SCARA3: variants seen among roughly 807,000 people sequenced by gnomAD.
SCARA3 encodes the protein cellular stress response gene protein.
Under a neutral mutation model 47.0 loss-of-function variants are expected in SCARA3, and 39 were observed. That is an observed-to-expected ratio of 0.83 (90% CI 0.64 to 1.08). The LOEUF is 1.08. Among genes scored for constraint, SCARA3 ranks in the 50% least tolerant of loss-of-function variants. SCARA3 has a pLI of 0.00. For synonymous variants in SCARA3, 356 were observed against 334.1 expected, an observed-to-expected ratio of 1.07 and a Z score of -0.71; for missense variants, 724 against 792.3, an observed-to-expected ratio of 0.91 and a Z score of 1.04.
chr8:27,702,861 G>C, the SCARA3 span: 1 of 152,306 alleles, frequency 6.6e-6, no homozygotes, highest in Admixed American at 6.5e-5. Flanking sequence ...TTCTACAGGG[G>C]CACCTTGGCC....
chr8:27,686,266 C>G, the SCARA3 span, among the ~76,000 whole-genome samples: 2 of 151,822 alleles, frequency 1.3e-5, no homozygotes, highest in Non-Finnish European at 2.9e-5. Flanking sequence ...CATAGGGAGG[C>G]CCCTTCTCTA....
the SCARA3 span, among the ~76,000 whole-genome samples, chr8:27,725,435 C>T: frequency 6.7e-6 from 1 of 149,508 alleles, no homozygotes; most frequent in African/African-American, 2.5e-5. Context: ...TCTTTTCATA[C>T]ACTCTTTTGT....
intron 2 of SCARA3, among the ~76,000 whole-genome samples, chr8:27,650,045 A>G (rs997374370): frequency 6.6e-6 from 1 of 152,104 alleles, no homozygotes; most frequent in African/African-American, 2.4e-5. Flanking sequence ...CCAGGCTAGT[A>G]TGAGTGGTGC....
At chr8:27,675,468 CT>C (rs1375239452), downstream of SCARA3, among the ~76,000 whole-genome samples, 1 of 152,148 alleles carries the variant, frequency 6.6e-6, no homozygotes, top group Non-Finnish European at 1.5e-5. Flanking sequence ...CTTTTGTTTT[CT>C]TTTGAACACT....
intron 1 of SCARA3, among the ~76,000 whole-genome samples, chr8:27,636,673 C>T (rs927773821): frequency 6.6e-6 from 1 of 152,140 alleles, no homozygotes; most frequent in Non-Finnish European, 1.5e-5. Flanking sequence ...AGCGGGATTC[C>T]TGTCTACGGA....
the SCARA3 span, chr8:27,703,147 A>G: frequency 1.3e-5 from 2 of 152,474 alleles, no homozygotes; most frequent in South Asian, 2.1e-4. Flanking sequence ...AAACTTGGCC[A>G]CAAGGCTCTG....
At chr8:27,682,027 C>T in the SCARA3 span, among the ~76,000 whole-genome samples, 27 of 151,860 alleles carry the variant, frequency 1.8e-4, no homozygotes, top group African/African-American at 6.5e-4. Context: ...GGAGGACTTA[C>T]ATTGCTTGTT....
downstream of SCARA3, among the ~76,000 whole-genome samples, chr8:27,674,442 A>T (rs1802231428): frequency 6.6e-6 from 1 of 152,208 alleles, no homozygotes; most frequent in Non-Finnish European, 1.5e-5. Flanking sequence ...TTTCGTCATC[A>T]GAAAACAGAG....
chr8:27,672,402 C>T lies in SCARA3; in HGVS notation c.*1051C>T. ...GAAGGTTCTCTCTGCACAGCTGCCT[C>T]CCTTGCTCTCCCTGAGGCTGGCCTG... On this transcript the variant is annotated 3_prime_UTR_variant, in exon 6 of 6. Coordinates refer to ENST00000301904, the MANE Select transcript of SCARA3 (RefSeq NM_016240.3). 1 of 985,550 alleles carries T rather than the reference C, an allele frequency of 1.0e-6. No individual in the cohort carries two copies. Among genetic ancestry groups the T allele is most frequent in the Non-Finnish European group, 1.2e-6 (1 of 830,026 alleles). The allele number at this position is 985,550 out of a possible 1,614,324, so 61.1% of individuals were successfully genotyped here.
At chr8:27,719,468 A>T in the SCARA3 span, among the ~76,000 whole-genome samples, 3 of 152,032 alleles carry the variant, frequency 2.0e-5, no homozygotes, top group African/African-American at 7.2e-5. Context: ...AATCTGTACA[A>T]CAAACTTCTA....
chr8:27,715,505 T>G, the SCARA3 span, among the ~76,000 whole-genome samples: 3 of 151,172 alleles, frequency 2.0e-5, no homozygotes, highest in African/African-American at 7.3e-5. This position sits in a 1 kb window ranked among gnomAD's most constrained non-coding sequence, Gnocchi z 4.2. Context: ...CAGCTACTTC[T>G]CCACACAGGA....
chr8:27,671,723 TGCAC>T lies in SCARA3; in HGVS notation c.*373_*376del. 1 of 1,038,670 alleles carries T rather than the reference TGCAC, an allele frequency of 9.6e-7. No homozygotes were observed. The highest frequency in any genetic ancestry group is 1.2e-6 in the Non-Finnish European group (1 of 865,312). 64.3% of individuals were successfully genotyped at this position (1,038,670 alleles called of 1,614,324 possible). ...GCACACATGCATGCACACATACACA[TGCAC>T]ACACACATGCACACATATATGCACA... On this transcript the variant is annotated 3_prime_UTR_variant, in exon 6 of 6. Transcript: ENST00000301904.
the SCARA3 span, among the ~76,000 whole-genome samples, chr8:27,685,511 C>A: frequency 2.0e-5 from 3 of 152,136 alleles, no homozygotes; most frequent in Non-Finnish European, 4.4e-5. Flanking sequence ...TAAATAGATG[C>A]AGAAAGGGCA....
intron 5 of SCARA3, among the ~76,000 whole-genome samples, chr8:27,661,165 A>G (rs480291): frequency 0.35 from 53,125 of 152,102 alleles, 10,463 homozygotes; most frequent in South Asian, 0.52. Context: ...CCCCAGAATT[A>G]TATTTGACCA....
chr8:27,667,761 C>T (rs935214229), intron 5 of SCARA3, among the ~76,000 whole-genome samples: 3 of 152,222 alleles, frequency 2.0e-5, no homozygotes, highest in Non-Finnish European at 4.4e-5. Flanking sequence ...GCAGGGCTGA[C>T]TATGGCACGC....
rs139985576 is a variant in SCARA3 at position 27,643,720 on chromosome 8, C to T, written c.8-5982C>T. On this transcript the variant is annotated intron_variant, in intron 1 of 5. Transcript: ENST00000301904. ...CGATCCAATTGGCTGTTTTGAAAAC[C>T]CACTCTGTGAACCCTGCAGAAGATA... 2.2e-4 allele frequency among the ~76,000 whole-genome samples: 34 copies of T among 152,224 alleles called. 2 individuals are homozygous for T. The highest frequency in any genetic ancestry group is 8.2e-4 in the African/African-American group (34 of 41,526).
chr8:27,731,651 A>AT, the SCARA3 span, among the ~76,000 whole-genome samples: 2 of 151,678 alleles, frequency 1.3e-5, no homozygotes, highest in Non-Finnish European at 2.9e-5. Context: ...CAAAAAAAAA[A>AT]AAAAAAAAAA....
the SCARA3 span, among the ~76,000 whole-genome samples, chr8:27,710,074 C>G: frequency 6.6e-6 from 1 of 151,958 alleles, no homozygotes; most frequent in African/African-American, 2.4e-5. Flanking sequence ...ACTACAAATA[C>G]AAAAAATTAG....
chr8:27,715,824 TGATAGATAGATA>T, the SCARA3 span, among the ~76,000 whole-genome samples: 453 of 118,956 alleles, frequency 3.8e-3, 3 homozygotes, highest in African/African-American at 0.012. This position sits in a 1 kb window ranked among gnomAD's most constrained non-coding sequence, Gnocchi z 4.2. Flanking sequence ...GATAGATAGA[TGATAGATAGATA>T]GATAGATAGA....
Sources: allele counts gnomAD v4.1 joint callset (sites outside exome capture counted in the v4.1 genomes callset), GRCh38; gene constraint gnomAD v4.1.1; non-coding constraint Gnocchi (gnomAD v3.1); transcripts MANE v1.5; gene names NCBI Gene and HGNC (gene_info 2026-07-23, HGNC 2026-07-21).